Variants in CTNND2 observed in about 807,000 individuals in gnomAD.
The protein encoded by CTNND2 is catenin delta 2.
In CTNND2, 22 loss-of-function variants were observed where a neutral mutation model predicts 144.4. The observed-to-expected ratio is 0.15, with a 90% CI of 0.11 to 0.22. The LOEUF (loss-of-function observed/expected upper bound fraction) is 0.22. CTNND2 is among the 10% of genes least tolerant of loss of function. The pLI, the probability that CTNND2 is intolerant of heterozygous loss-of-function variation, is 1.00. For synonymous variants in CTNND2, 751 were observed against 695.6 expected (o/e 1.08, Z -1.25); for missense variants, 1,353 against 1,618.8 (o/e 0.84, Z 2.82).
intron 9 of CTNND2, among the ~76,000 whole-genome samples, chr5:11,298,209 G>T (rs1289448897): frequency 6.6e-6 from 1 of 152,148 alleles, no homozygotes; most frequent in East Asian, 1.9e-4. Flanking sequence ...ACAGGGTCTT[G>T]CTCTGTCACC....
chr5:11,443,236 A>AT (rs2063857565), intron 3 of CTNND2, among the ~76,000 whole-genome samples: 2 of 79,362 alleles, frequency 2.5e-5, no homozygotes, highest in Admixed American at 3.0e-4. Flanking sequence ...TGTGTGTGTG[A>AT]TGTGTGTGTG....
intron 2 of CTNND2, among the ~76,000 whole-genome samples, chr5:11,620,349 C>T (rs1473832072): frequency 1.3e-5 from 2 of 152,076 alleles, no homozygotes; most frequent in South Asian, 2.1e-4. Flanking sequence ...AGGGCTGTCA[C>T]ATTCAGGACC....
chr5:11,706,804 A>G (rs934408023), intron 2 of CTNND2, among the ~76,000 whole-genome samples: 2 of 152,078 alleles, frequency 1.3e-5, no homozygotes, highest in African/African-American at 4.8e-5. Flanking sequence ...TAAGGAAGTA[A>G]GGCCAGCGCG....
intron 12 of CTNND2, among the ~76,000 whole-genome samples, chr5:11,129,512 C>T (rs188048776): frequency 4.0e-5 from 6 of 150,188 alleles, no homozygotes; most frequent in South Asian, 2.1e-4. Context: ...GGCTGAACTA[C>T]GTGCTTCAAT....
intron 2 of CTNND2, among the ~76,000 whole-genome samples, chr5:11,702,311 C>T (rs1785479477): frequency 6.6e-6 from 1 of 152,116 alleles, no homozygotes; most frequent in Non-Finnish European, 1.5e-5. Context: ...GATTTTAGCT[C>T]CCAGTTTATT....
chr5:11,225,527 T>A (rs1362589236), intron 10 of CTNND2, among the ~76,000 whole-genome samples: 1 of 152,210 alleles, frequency 6.6e-6, no homozygotes, highest in Non-Finnish European at 1.5e-5. Flanking sequence ...TACCCCTCCT[T>A]TGACCATTTC....
At chr5:11,139,271 T>A (rs1250317346) in intron 12 of CTNND2, among the ~76,000 whole-genome samples, 1 of 152,184 alleles carries the variant, frequency 6.6e-6, no homozygotes, top group Non-Finnish European at 1.5e-5. Flanking sequence ...AGAAACCATT[T>A]TTGATCTGGA....
intron 16 of CTNND2, among the ~76,000 whole-genome samples, chr5:11,069,797 T>A (rs148475941): frequency 6.6e-6 from 1 of 152,294 alleles, no homozygotes; most frequent in Non-Finnish European, 1.5e-5. Flanking sequence ...ATCTTTGGAA[T>A]CTACAGGTGC....
intron 2 of CTNND2, among the ~76,000 whole-genome samples, chr5:11,590,543 A>G (rs1191375492): frequency 6.6e-6 from 1 of 151,866 alleles, no homozygotes; most frequent in African/African-American, 2.4e-5. Flanking sequence ...ACTTTGTGAT[A>G]TTCCCCCGTC....
At chr5:11,230,367 T>TA (rs1740870718) in intron 10 of CTNND2, among the ~76,000 whole-genome samples, 2 of 33,496 alleles carry the variant, frequency 6.0e-5, no homozygotes, top group Non-Finnish European at 6.0e-5. Context: ...TAAAGTATAA[T>TA]TAAAAAAAAA....
chr5:11,450,885 C>A (rs1309709603), intron 3 of CTNND2, among the ~76,000 whole-genome samples: 1 of 103,440 alleles, frequency 9.7e-6, no homozygotes, highest in Non-Finnish European at 1.8e-5. Flanking sequence ...GCAACAACAG[C>A]GAAACTCCAT....
intron 1 of CTNND2, among the ~76,000 whole-genome samples, chr5:11,788,507 G>C (rs748237100): frequency 3.0e-4 from 46 of 152,074 alleles, no homozygotes; most frequent in Non-Finnish European, 5.7e-4. Flanking sequence ...ACCACATTAA[G>C]ACAACAGCAC....
intron 1 of CTNND2, among the ~76,000 whole-genome samples, chr5:11,753,335 T>C (rs1210122111): frequency 2.6e-5 from 4 of 151,870 alleles, no homozygotes; most frequent in Admixed American, 6.6e-5. Context: ...CTTATTATTT[T>C]GAGGTATGTT....
At chr5:11,068,698 G>A (rs1440472002) in intron 16 of CTNND2, among the ~76,000 whole-genome samples, 3 of 152,146 alleles carry the variant, frequency 2.0e-5, no homozygotes, top group Admixed American at 6.5e-5. Context: ...GGCGGATCAC[G>A]AGGTCAGGAG....
intron 9 of CTNND2, among the ~76,000 whole-genome samples, chr5:11,301,434 T>C (rs576950127): frequency 6.6e-6 from 1 of 152,252 alleles, no homozygotes; most frequent in South Asian, 2.1e-4. Context: ...GTGTGTGTGA[T>C]TCCAACACTA....
chr5:11,658,829 G>A (rs140106342), intron 2 of CTNND2, among the ~76,000 whole-genome samples: 12 of 152,230 alleles, frequency 7.9e-5, no homozygotes, highest in African/African-American at 2.9e-4. Flanking sequence ...AAGATGTACA[G>A]ACCTTGAAAT....
chr5:11,451,741 G>T (rs527553238), intron 3 of CTNND2, among the ~76,000 whole-genome samples: 4 of 152,014 alleles, frequency 2.6e-5, no homozygotes, highest in South Asian at 2.1e-4. Context: ...TACATAATTC[G>T]CACGTTCAAG....
Position 11,654,192 on chromosome 5 carries a change from G to A in CTNND2, c.174+77944C>T, listed in dbSNP as rs376203069. Among the ~76,000 whole-genome samples, 5 of 151,876 alleles carry A rather than the reference G, an allele frequency of 3.3e-5. No homozygotes were observed. In the East Asian group the frequency reaches 5.8e-4, roughly 18 times the overall value. On this transcript the variant is annotated intron_variant, in intron 2 of 21. Coordinates refer to ENST00000304623, the MANE Select transcript of CTNND2 (RefSeq NM_001332.4). ...CAGGTAGTATGATGCCTCCAGCTTTGTTCTTTTGCTCAAGATTGCTTTGCT... is the reference window on the plus strand; with the variant it reads ...CAGGTAGTATGATGCCTCCAGCTTTATTCTTTTGCTCAAGATTGCTTTGCT...
At chr5:11,206,269 G>C (rs1738039443) in intron 10 of CTNND2, among the ~76,000 whole-genome samples, 1 of 152,150 alleles carries the variant, frequency 6.6e-6, no homozygotes, top group South Asian at 2.1e-4. Context: ...TGAGAATGAA[G>C]CAGGCTTGGA....
Sources: gnomAD v4.1 joint callset for allele counts (sites outside exome capture counted in the v4.1 genomes callset) on GRCh38, gnomAD v4.1.1 for gene constraint, MANE v1.5 for transcripts, NCBI Gene and HGNC (gene_info 2026-07-23, HGNC 2026-07-21) for gene names.